Variants in URI1 observed in about 807,000 individuals in gnomAD.
URI1 encodes the protein unconventional prefoldin RPB5 interactor 1.
Under a neutral mutation model 60.2 loss-of-function variants are expected in URI1, and 39 were observed. The observed-to-expected ratio is 0.65, with a 90% confidence interval of 0.50 to 0.85. URI1 has a LOEUF of 0.85. Among genes scored for constraint, URI1 ranks in the 40% least tolerant of loss-of-function variants. The pLI, the probability that URI1 is intolerant of heterozygous loss-of-function variation, is 0.00. For missense variants in URI1, 691 were observed against 665.9 expected (o/e 1.04, Z -0.42); for synonymous variants, 251 against 236.8 (o/e 1.06, Z -0.55).
chr19:30,001,785 T>A (rs753877001), intron 4 of URI1, among the ~76,000 whole-genome samples: 8 of 151,986 alleles, frequency 5.3e-5, no homozygotes, highest in Non-Finnish European at 1.0e-4. Flanking sequence ...TTGGTTGACA[T>A]TTCTTGTCTA....
upstream of URI1, among the ~76,000 whole-genome samples, chr19:29,938,325 G>A (rs1379754588): frequency 6.6e-6 from 1 of 152,110 alleles, no homozygotes; most frequent in Non-Finnish European, 1.5e-5. Context: ...GTGGAAGTAA[G>A]AGCTAGGGAG....
chr19:29,986,567 T>C, intron 4 of URI1, 150 bp downstream of exon 4: 1 of 975,894 alleles, frequency 1.0e-6, no homozygotes, highest in Admixed American at 3.4e-5. Context: ...GTAGTTTGAG[T>C]AGAACCAACA....
intron 2 of URI1, among the ~76,000 whole-genome samples, chr19:29,982,363 G>A (rs2055609337): frequency 2.0e-5 from 3 of 151,902 alleles, no homozygotes; most frequent in South Asian, 4.2e-4. Flanking sequence ...GTTTTTGAAC[G>A]TACTGTTCTT....
At chr19:29,977,558 C>CTTTTTTTTTTTTTTTTT (rs749382980) in intron 2 of URI1, among the ~76,000 whole-genome samples, 1 of 112,586 alleles carries the variant, frequency 8.9e-6, no homozygotes, top group East Asian at 2.5e-4. Context: ...GTTATTTTTT[C>CTTTTTTTTTTTTTTTTT]TTTTTTTTTT....
At chr19:29,952,305 C>G (rs940355469) in intron 1 of URI1, among the ~76,000 whole-genome samples, 6 of 152,198 alleles carry the variant, frequency 3.9e-5, no homozygotes, top group African/African-American at 1.4e-4. Context: ...GCCACATGTC[C>G]TCTTAGAACA....
chr19:29,990,160 T>C (rs56929454), intron 4 of URI1, among the ~76,000 whole-genome samples: 2,661 of 152,304 alleles, frequency 0.017, 91 homozygotes, highest in African/African-American at 0.06. Flanking sequence ...TCCATTGAAA[T>C]GACTTTGCAC....
intron 2 of URI1, among the ~76,000 whole-genome samples, chr19:29,979,134 T>A (rs958364193): frequency 2.0e-5 from 3 of 152,182 alleles, no homozygotes; most frequent in African/African-American, 7.2e-5. Flanking sequence ...GCAAAACCTA[T>A]GAATTACGGT....
chr19:30,009,856 C>T (rs1479932404), intron 8 of URI1, among the ~76,000 whole-genome samples: 7 of 152,134 alleles, frequency 4.6e-5, no homozygotes, highest in African/African-American at 1.7e-4. Flanking sequence ...ATAATCATGA[C>T]TTAGAATTTT....
chr19:29,943,897 G>C (rs1216880305), intron 1 of URI1, among the ~76,000 whole-genome samples: 1 of 151,776 alleles, frequency 6.6e-6, no homozygotes, highest in Non-Finnish European at 1.5e-5. Flanking sequence ...TGCTTGGGAT[G>C]TCAAGGTCGT....
At chr19:29,975,825 A>C (rs2055515306) in intron 2 of URI1, among the ~76,000 whole-genome samples, 1 of 152,134 alleles carries the variant, frequency 6.6e-6, no homozygotes, top group African/African-American at 2.4e-5. Flanking sequence ...TGTTTTCTGG[A>C]AACAGCAGTT....
chr19:29,975,656 G>A (rs950214504), intron 2 of URI1, among the ~76,000 whole-genome samples: 3 of 151,872 alleles, frequency 2.0e-5, no homozygotes, highest in African/African-American at 4.8e-5. Context: ...GGCGCGTGCC[G>A]CCATGCCCAG....
intron 1 of URI1, among the ~76,000 whole-genome samples, chr19:29,967,706 G>A (rs185124041): frequency 1.3e-5 from 2 of 152,292 alleles, no homozygotes; most frequent in Non-Finnish European, 1.5e-5. Context: ...CCAGTAAGCC[G>A]CATGATGGTT....
rs541261606 is a variant in URI1 at position 29,926,903 on chromosome 19, G to T, written c.63+3149G>T. Among the ~76,000 whole-genome samples the T allele has an allele frequency of 1.1e-4, 16 of 152,344 alleles. No individual in the cohort carries two copies. The East Asian group carries it at 2.9e-3, about 28-fold the overall frequency. Reference sequence around the variant, plus strand: ...CCTGTCTGGCAGGAGCTAGGCTCATGCATGGCTCGGGAGAGCACCTGCTTG... The same window carrying T: ...CCTGTCTGGCAGGAGCTAGGCTCATTCATGGCTCGGGAGAGCACCTGCTTG... On this transcript the variant is annotated intron_variant, in intron 1 of 10. Coordinates refer to the URI1 transcript ENST00000360605.
chr19:29,947,456 T>C (rs2145238766), intron 1 of URI1, among the ~76,000 whole-genome samples: 1 of 152,360 alleles, frequency 6.6e-6, no homozygotes, highest in Non-Finnish European at 1.5e-5. Flanking sequence ...TTTTCTAAGG[T>C]GGTTATACCA....
At chr19:30,005,091 C>G (rs1426397403) in intron 4 of URI1, among the ~76,000 whole-genome samples, 1 of 151,896 alleles carries the variant, frequency 6.6e-6, no homozygotes, top group African/African-American at 2.4e-5. Flanking sequence ...CCTGGTAGCA[C>G]CAGGCAGCAT....
In URI1 at chr19:29,942,493, C is replaced by G; in HGVS notation, c.-55C>G. 1 of 1,152,588 alleles carries G rather than the reference C, an allele frequency of 8.7e-7. No individual in the cohort carries two copies. The highest frequency in any genetic ancestry group is 1.1e-6 in the Non-Finnish European group (1 of 936,458). The allele number at this position is 1,152,588 out of a possible 1,614,324, so 71.4% of individuals were successfully genotyped here. Reference sequence around the variant, plus strand: ...GCTGGGCAACTGCCGGCCGCGCCGCCTGCGCAGGCGCTGGTTCAGGACTCA... The same window carrying G: ...GCTGGGCAACTGCCGGCCGCGCCGCGTGCGCAGGCGCTGGTTCAGGACTCA... On this transcript the variant is annotated 5_prime_UTR_variant, in exon 1 of 11. Coordinates refer to ENST00000392271, the MANE Select transcript of URI1 (RefSeq NM_003796.3).
At chr19:29,939,608 A>C (rs976065166), upstream of URI1, among the ~76,000 whole-genome samples, 4 of 152,218 alleles carry the variant, frequency 2.6e-5, no homozygotes, top group African/African-American at 9.6e-5. Flanking sequence ...TAAGTGCTAC[A>C]AAGAAAATTT....
At chr19:29,940,221 C>A (rs1312862679), upstream of URI1, among the ~76,000 whole-genome samples, 1 of 151,740 alleles carries the variant, frequency 6.6e-6, no homozygotes, top group Non-Finnish European at 1.5e-5. Context: ...GACCACAGAT[C>A]GCACTTCATT....
At chr19:29,998,394 G>C (rs796937956) in intron 4 of URI1, among the ~76,000 whole-genome samples, 15 of 152,128 alleles carry the variant, frequency 9.9e-5, no homozygotes, top group African/African-American at 3.4e-4. Context: ...TGGCTGTTCT[G>C]TCCTTTATTG....
Sources: gnomAD v4.1 joint callset for allele counts (sites outside exome capture counted in the v4.1 genomes callset) on GRCh38, gnomAD v4.1.1 for gene constraint, MANE v1.5 for transcripts, NCBI Gene and HGNC (gene_info 2026-07-23, HGNC 2026-07-21) for gene names.